BRD8: variants seen among roughly 807,000 people sequenced by gnomAD.
The protein encoded by BRD8 is bromodomain-containing protein 8.
Under a neutral mutation model 143.1 loss-of-function variants are expected in BRD8, and 67 were observed. That is an observed-to-expected ratio of 0.47 (90% CI 0.38 to 0.57). BRD8 has a LOEUF of 0.57. Ranked by LOEUF, BRD8 falls within the 20% of genes least tolerant of loss-of-function variation. The pLI, the probability that BRD8 is intolerant of heterozygous loss-of-function variation, is 0.00. For synonymous variants in BRD8, 505 were observed against 517.1 expected, an observed-to-expected ratio of 0.98 and a Z score of 0.32; for missense variants, 1,103 against 1,503.0, an observed-to-expected ratio of 0.73 and a Z score of 4.40.
rs182779390 is a variant in BRD8 at position 138,169,965 on chromosome 5, A to G, written c.505+380T>C. Among the ~76,000 whole-genome samples, 15 of 152,336 alleles carry G rather than the reference A, an allele frequency of 9.8e-5. 1 individual carries two copies. Among genetic ancestry groups the G allele is most frequent in the African/African-American group, 2.6e-4 (11 of 41,576 alleles). ...CAAGAGCAAAACTCCGCCTGGGGGA[A>G]AAACAAAAAACAAAAACAGGGAAAG... On this transcript the variant is annotated intron_variant, in intron 7 of 26. Transcript: ENST00000254900.
chr5:138,163,405 A>C, intron 14 of BRD8, 61 bp from the exon 15 acceptor site: 1 of 1,571,096 alleles, frequency 6.4e-7, no homozygotes. Flanking sequence ...AAGCATCATT[A>C]AACATGATCT....
At chr5:138,170,268 T>A in intron 7 of BRD8, 77 bp downstream of exon 7, 1 of 1,025,730 alleles carries the variant, frequency 9.7e-7, no homozygotes, top group Non-Finnish European at 1.5e-6. Context: ...TATTCTATGT[T>A]ACAAAACAGT....
chr5:138,150,396 T>C (rs570746209), intron 22 of BRD8, among the ~76,000 whole-genome samples: 2 of 152,252 alleles, frequency 1.3e-5, no homozygotes, highest in East Asian at 1.9e-4. Context: ...GCATGAGCCA[T>C]TGCACCCCAC....
chr5:138,161,294 G>A, intron 17 of BRD8: 1 of 397,360 alleles, frequency 2.5e-6, no homozygotes, highest in Non-Finnish European at 4.5e-6. Flanking sequence ...TTTTTTTGGA[G>A]ACAGGGCCTG....
At chr5:138,166,151 T>C in intron 10 of BRD8, 43 bp from the exon 11 acceptor site, 2 of 1,446,464 alleles carry the variant, frequency 1.4e-6, no homozygotes, top group Non-Finnish European at 9.5e-7. Flanking sequence ...GCTTATTGGG[T>C]ACAAAGCGAC....
chr5:138,166,100 G>T lies in BRD8; in HGVS notation c.1006C>A (p.Pro336Thr). The T allele has an allele frequency of 6.2e-7, 1 of 1,611,610 alleles. No homozygotes were observed. Among genetic ancestry groups the T allele is most frequent in the Non-Finnish European group, 8.5e-7 (1 of 1,179,102 alleles). Residue 336 changes from proline (P) to threonine (T), a missense_variant, in exon 11 of 27, where the codon CCC becomes ACC. Pro to Thr is a conservative substitution (Grantham distance 38, BLOSUM62 -1). Coordinates refer to ENST00000254900, the MANE Select transcript of BRD8 (RefSeq NM_139199.2). ...TTESVAPVSQ[P>T]DNCVPMEAVG... ...GCCTCCATGGGAACACAGTTGTCGG[G>T]TTGACTCACTGAGTAACAGAAAGAG...
Position 138,152,755 on chromosome 5 carries a change from T to C in BRD8, c.2583A>G (p.Gly861=). 6.2e-7 allele frequency: 1 copy of C among 1,612,794 alleles called. No individual in the cohort carries two copies. Among genetic ancestry groups the C allele is most frequent in the Non-Finnish European group, 8.5e-7 (1 of 1,178,902 alleles). Residue 861 remains glycine (G), a synonymous_variant, in exon 21 of 27, where the codon GGA becomes GGG. Coordinates refer to ENST00000254900, the MANE Select transcript of BRD8 (RefSeq NM_139199.2). ...CAGAATCCAGCCAAACCCACTCGTG[T>C]CCCATCTGTAAATACACAGGAAAAC... is the stretch of plus-strand genomic sequence containing the variant. ...SPAFLLSLFM[G]HEWVWLDSEQ...
At chr5:138,159,804 C>G (rs188474447) in intron 19 of BRD8, among the ~76,000 whole-genome samples, 1 of 152,324 alleles carries the variant, frequency 6.6e-6, no homozygotes, top group Admixed American at 6.5e-5. Flanking sequence ...GCAGGCTAAG[C>G]CATTTCCCCC....
Position 138,140,140 on chromosome 5 carries a change from T to C in BRD8, c.3642A>G (p.Arg1214=), listed in dbSNP as rs759769084. The C allele has an allele frequency of 3.8e-5, 61 of 1,613,646 alleles. No individual in the cohort carries two copies. Among genetic ancestry groups the C allele is most frequent in the Admixed American group, 1.3e-4 (8 of 59,996 alleles). Residue 1214 remains arginine (R), a synonymous_variant, in exon 27 of 27, where the codon AGA becomes AGG. Transcript: ENST00000254900. ...IQVLNIWLDK[R]KGSSSLEGEP... is the part of the protein sequence containing the mutation. ...CTCCTTCCAGACTACTTGAGCCTTT[T>C]CTTTTGTCTAACCAGATATTCAGTA...
At chr5:138,145,133 A>C (rs1752096624) in intron 25 of BRD8, 44 bp downstream of exon 25, 2 of 1,543,942 alleles carry the variant, frequency 1.3e-6, no homozygotes. Context: ...ATGAAAAGGC[A>C]GATATAAAAG....
At chr5:138,174,495 C>T (rs762256032) in intron 2 of BRD8, among the ~76,000 whole-genome samples, 4 of 151,604 alleles carry the variant, frequency 2.6e-5, no homozygotes, top group Non-Finnish European at 5.9e-5. Flanking sequence ...ACACGGGAGG[C>T]TGAGGTGGGA....
In BRD8 at chr5:138,164,990, C is replaced by T. The variant is rs1753287259; in HGVS notation, c.1455G>A (p.Leu485=). 6.2e-7 allele frequency: 1 copy of T among 1,614,060 alleles called. No individual in the cohort carries two copies. Among genetic ancestry groups the T allele is most frequent in the Non-Finnish European group, 8.5e-7 (1 of 1,180,042 alleles). The change falls in exon 12 of 27, where the codon CTG becomes CTA. Residue 485 remains leucine, a synonymous_variant. Coordinates refer to ENST00000254900, the MANE Select transcript of BRD8 (RefSeq NM_139199.2). The part of the protein sequence containing the change: ...APEMTVKQER[L]DFEETENKGI... ...CCTTGTTTTCCGTTTCCTCAAAGTC[C>T]AGTCTCTCTTGCTTGACCGTCATTT...
At chr5:138,157,399 G>C (rs986397084) in intron 20 of BRD8, 1 of 1,169,590 alleles carries the variant, frequency 8.5e-7, no homozygotes, top group Non-Finnish European at 1.2e-6. Context: ...AGAGGGATGA[G>C]GGGCATATTT....
Position 138,166,720 on chromosome 5 carries a change from G to T in BRD8, c.795C>A (p.Pro265=). The part of the protein sequence containing the change: ...VAASPAASGA[P]TLSRLLEAGP... Reference sequence around the variant, plus strand: ...CAGCTTCTAAAAGCCGGGAAAGAGTGGGAGCACCTAACATATAAAGAGGTA... The same window carrying T: ...CAGCTTCTAAAAGCCGGGAAAGAGTTGGAGCACCTAACATATAAAGAGGTA... Residue 265 remains proline, a synonymous_variant, in exon 10 of 27, where the codon CCC becomes CCA. Coordinates refer to ENST00000254900, the MANE Select transcript of BRD8 (RefSeq NM_139199.2). 1.2e-6 allele frequency: 2 copies of T among 1,602,294 alleles called. No homozygotes were observed. The highest frequency in any genetic ancestry group is 1.7e-6 in the Non-Finnish European group (2 of 1,169,716).
chr5:138,157,061 C>G (rs1024473431), intron 20 of BRD8: 9 of 1,521,184 alleles, frequency 5.9e-6, no homozygotes, highest in Non-Finnish European at 7.9e-6. Flanking sequence ...TACTCCAACT[C>G]TCTAAGAGAG....
At chr5:138,158,433 T>A (rs1481241052) in intron 20 of BRD8, among the ~76,000 whole-genome samples, 1 of 149,574 alleles carries the variant, frequency 6.7e-6, no homozygotes, top group African/African-American at 2.5e-5. Context: ...CAGTGGTCAC[T>A]TTTTTTTTTC....
In BRD8 at chr5:138,150,982, G is replaced by A; in HGVS notation, c.2883C>T (p.Cys961=). The A allele has an allele frequency of 6.2e-7, 1 of 1,613,410 alleles. No homozygotes were observed. Among genetic ancestry groups the A allele is most frequent in the Non-Finnish European group, 8.5e-7 (1 of 1,179,976 alleles). ...SEVAYLMEPL[C]ISSNESSEGC... is the part of the protein sequence containing the mutation. ...CTTCACTTGATTCGTTGCTGCTGAT[G>A]CACAAGGGCTCCATTAAATAAGCTA... is the stretch of plus-strand genomic sequence containing the variant. Residue 961 remains cysteine, a synonymous_variant, in exon 22 of 27, where the codon TGC becomes TGT. Transcript: ENST00000254900.
At position 138,166,077 on chromosome 5, in the gene BRD8, C is replaced by T. The variant is rs750454188; in HGVS notation, c.1029G>A (p.Glu343=). Residue 343 remains glutamate, a synonymous_variant, in exon 11 of 27, where the codon GAG becomes GAA. Coordinates refer to ENST00000254900, the MANE Select transcript of BRD8 (RefSeq NM_139199.2). ...VSQPDNCVPM[E]AVGDPHTVTV... is the part of the protein sequence containing the mutation. Reference sequence around the variant, plus strand: ...TCACAGTATGTGGATCCCCCACAGCCTCCATGGGAACACAGTTGTCGGGTT... The same window carrying T: ...TCACAGTATGTGGATCCCCCACAGCTTCCATGGGAACACAGTTGTCGGGTT... 3.7e-5 allele frequency: 59 copies of T among 1,613,678 alleles called. No individual in the cohort carries two copies. Among genetic ancestry groups the T allele is most frequent in the Non-Finnish European group, 4.2e-6 (5 of 1,179,900 alleles).
rs753566334 is a variant in BRD8, at chr5:138,140,819, T to C, written c.3501A>G (p.Gln1167=). The part of the protein sequence containing the change: ...LSKGRIRTMA[Q]FLRDLMLMFQ... ...ACATCAGCATCAGGTCTCGCAGGAA[T>C]TGGGCCATGGTGCGAATCCGACCCT... Residue 1167 remains glutamine, a synonymous_variant, in exon 26 of 27, where the codon CAA becomes CAG. Coordinates refer to ENST00000254900, the MANE Select transcript of BRD8 (RefSeq NM_139199.2). 1.1e-5 allele frequency: 17 copies of C among 1,614,038 alleles called. No homozygotes were observed. The African/African-American group carries it at 1.2e-4, about 11-fold the overall frequency.
Sources: allele counts gnomAD v4.1 joint callset (sites outside exome capture counted in the v4.1 genomes callset), GRCh38; gene constraint gnomAD v4.1.1; transcripts MANE v1.5; gene names NCBI Gene and HGNC (gene_info 2026-07-23, HGNC 2026-07-21).